The following CTNNA2 variants were observed in gnomAD, a reference collection of about 807,000 sequenced individuals.
The protein encoded by CTNNA2 is catenin alpha 2.
In CTNNA2, 42 loss-of-function variants were observed where a neutral mutation model predicts 101.0. The observed-to-expected ratio is 0.42, with a 90% CI of 0.32 to 0.54. The LOEUF is 0.54. Among genes scored for constraint, CTNNA2 ranks in the 20% least tolerant of loss-of-function variants. The pLI, the probability that CTNNA2 is intolerant of heterozygous loss-of-function variation, is 0.14. For missense variants in CTNNA2, 871 were observed against 1,223.1 expected (o/e 0.71, Z 4.29); for synonymous variants, 450 against 456.4 (o/e 0.99, Z 0.18).
At chr2:80,593,311 C>T (rs1476884920) in intron 15 of CTNNA2, among the ~76,000 whole-genome samples, 7 of 151,942 alleles carry the variant, frequency 4.6e-5, no homozygotes, top group Non-Finnish European at 8.8e-5. Flanking sequence ...AAACTTCTGA[C>T]GCTTTCATGG....
intron 7 of CTNNA2, among the ~76,000 whole-genome samples, chr2:80,080,155 G>C (rs919608453): frequency 2.6e-5 from 4 of 152,146 alleles, no homozygotes; most frequent in Admixed American, 6.5e-5. Flanking sequence ...ATTGTAAAGT[G>C]TGGCTGGTAC....
At chr2:80,529,970 C>T (rs1690385467) in intron 9 of CTNNA2, among the ~76,000 whole-genome samples, 1 of 152,038 alleles carries the variant, frequency 6.6e-6, no homozygotes, top group African/African-American at 2.4e-5. Context: ...ATAACTTTGG[C>T]TCGGGGTTTG....
In CTNNA2 at chr2:79,652,238, ATTTTTT is replaced by A. The variant is rs201106493; in HGVS notation, c.102+591_102+596del. Among the ~76,000 whole-genome samples, 8 of 144,208 alleles carry A rather than the reference ATTTTTT, an allele frequency of 5.5e-5. No homozygotes were observed. The South Asian group carries it at 1.7e-3, about 31-fold the overall frequency. The allele number at this position is 144,208 out of a possible 152,430, so 94.6% of individuals were successfully genotyped here. A position where few individuals can be genotyped will look rare whatever the true frequency, so the allele number is the denominator to read the frequency against. On this transcript the variant is annotated intron_variant, in intron 2 of 18. Transcript: ENST00000402739. Reference sequence around the variant, plus strand: ...TTAACTCTGAGATTCCTGGGATGTGATTTTTTTTTTTTTTTTACCAAATTATAATAG... The same window carrying A: ...TTAACTCTGAGATTCCTGGGATGTGATTTTTTTTTTACCAAATTATAATAG...
intron 7 of CTNNA2, among the ~76,000 whole-genome samples, chr2:80,177,987 G>T (rs575447415): frequency 6.6e-6 from 1 of 152,358 alleles, no homozygotes; most frequent in South Asian, 2.1e-4. Context: ...AGGGGCTGTA[G>T]TGCTGCAGCT....
At chr2:79,331,431 A>G (rs115837636) in intron 3 of CTNNA2, among the ~76,000 whole-genome samples, 133 of 152,262 alleles carry the variant, frequency 8.7e-4, no homozygotes, top group African/African-American at 3.1e-3. Flanking sequence ...ATACCCTACC[A>G]TCATTTAATT....
intron 7 of CTNNA2, among the ~76,000 whole-genome samples, chr2:79,974,595 A>G (rs1265637251): frequency 6.6e-6 from 1 of 152,122 alleles, no homozygotes; most frequent in African/African-American, 2.4e-5. Flanking sequence ...AGTTGGAGGA[A>G]GTTATGATAT....
At chr2:79,961,012 T>C (rs1017947275) in intron 7 of CTNNA2, among the ~76,000 whole-genome samples, 1 of 152,194 alleles carries the variant, frequency 6.6e-6, no homozygotes, top group Admixed American at 6.5e-5. Flanking sequence ...CACCATGCCT[T>C]TTTAATAGAA....
intron 1 of CTNNA2, among the ~76,000 whole-genome samples, chr2:79,604,984 A>AT (rs1415390265): frequency 2.0e-5 from 3 of 152,242 alleles, no homozygotes; most frequent in African/African-American, 4.8e-5. Context: ...CCAATCACAA[A>AT]TTACCAGGTA....
intron 6 of CTNNA2, among the ~76,000 whole-genome samples, chr2:79,902,380 G>A (rs79020795): frequency 0.012 from 1,873 of 152,178 alleles, 15 homozygotes; most frequent in Middle Eastern, 0.024. Flanking sequence ...TTGACATCTA[G>A]GTGTGTTTTT....
chr2:79,551,758 G>A (rs1349864501), intron 1 of CTNNA2, among the ~76,000 whole-genome samples: 1 of 152,150 alleles, frequency 6.6e-6, no homozygotes, highest in Non-Finnish European at 1.5e-5. Flanking sequence ...GGGGAAGCAG[G>A]CACATCTTAC....
chr2:79,928,479 A>T (rs1174579675), intron 7 of CTNNA2, among the ~76,000 whole-genome samples: 1 of 152,230 alleles, frequency 6.6e-6, no homozygotes, highest in Non-Finnish European at 1.5e-5. Context: ...CTGATTTGAA[A>T]TAACTACATT....
chr2:79,749,394 C>T (rs140542195), intron 3 of CTNNA2, among the ~76,000 whole-genome samples: 30 of 152,170 alleles, frequency 2.0e-4, no homozygotes, highest in African/African-American at 7.2e-4. Flanking sequence ...ATATTGTATT[C>T]AAAACTTAGA....
chr2:79,863,054 A>C (rs2103979865), intron 4 of CTNNA2, among the ~76,000 whole-genome samples: 1 of 152,234 alleles, frequency 6.6e-6, no homozygotes. Context: ...ATAGTCTCAA[A>C]GTGCTTGCCA....
chr2:79,900,142 G>A (rs1219682409), intron 6 of CTNNA2, among the ~76,000 whole-genome samples: 2 of 152,120 alleles, frequency 1.3e-5, no homozygotes, highest in Admixed American at 6.5e-5. Context: ...TTATGATCAT[G>A]CCTCATTGTC....
chr2:80,127,563 G>A (rs923119321), intron 7 of CTNNA2, among the ~76,000 whole-genome samples: 1 of 152,178 alleles, frequency 6.6e-6, no homozygotes, highest in Non-Finnish European at 1.5e-5. Flanking sequence ...TTATTTGGAA[G>A]AGATTCAACC....
intron 9 of CTNNA2, among the ~76,000 whole-genome samples, chr2:80,454,363 C>T (rs1047116511): frequency 6.6e-6 from 1 of 152,130 alleles, no homozygotes; most frequent in Non-Finnish European, 1.5e-5. Flanking sequence ...GAGTTCACCT[C>T]GGGAGTTCTG....
At chr2:79,257,411 T>A (rs1467703179) in intron 2 of CTNNA2, among the ~76,000 whole-genome samples, 1 of 151,724 alleles carries the variant, frequency 6.6e-6, no homozygotes, top group Non-Finnish European at 1.5e-5. Context: ...ACACAAATAA[T>A]ACTTTAATAG....
At chr2:80,287,371 A>T (rs145163964) in intron 7 of CTNNA2, among the ~76,000 whole-genome samples, 122 of 152,288 alleles carry the variant, frequency 8.0e-4, no homozygotes, top group African/African-American at 2.8e-3. Flanking sequence ...CTGCTGTCAC[A>T]TATACTACTT....
At chr2:80,411,584 G>A (rs1353932186) in intron 8 of CTNNA2, among the ~76,000 whole-genome samples, 1 of 152,144 alleles carries the variant, frequency 6.6e-6, no homozygotes, top group African/African-American at 2.4e-5. Flanking sequence ...TGGAATGTTT[G>A]CTGCTGTCAT....
Sources: allele counts gnomAD v4.1 joint callset (sites outside exome capture counted in the v4.1 genomes callset), GRCh38; gene constraint gnomAD v4.1.1; transcripts MANE v1.5; gene names NCBI Gene and HGNC (gene_info 2026-07-23, HGNC 2026-07-21).